Variants in MAP4K2 observed in about 807,000 individuals in gnomAD.
MAP4K2 encodes the protein mitogen-activated protein kinase kinase kinase kinase 2.
MAP4K2 carries 85 observed loss-of-function variants against 125.3 expected under a neutral mutation model. The ratio of observed to expected loss-of-function variants is 0.68; its 90% confidence interval spans 0.57 to 0.81. MAP4K2 has a LOEUF of 0.81. Ranked by LOEUF, MAP4K2 falls within the 40% of genes least tolerant of loss-of-function variation. The pLI, the probability that MAP4K2 is intolerant of heterozygous loss-of-function variation, is 0.00. For missense variants in MAP4K2, 923 were observed against 1,056.4 expected, an observed-to-expected ratio of 0.87 and a Z score of 1.75; for synonymous variants, 479 against 445.1, an observed-to-expected ratio of 1.08 and a Z score of -0.96.
rs1250545169 is a variant in MAP4K2, at chr11:64,786,188, G to A, written c.*3349C>T. 1 of 152,158 alleles carries A rather than the reference G, an allele frequency of 6.6e-6. No individual in the cohort carries two copies. Among genetic ancestry groups the A allele is most frequent in the Admixed American group, 6.5e-5 (1 of 15,270 alleles). The allele number at this position is 152,158 out of a possible 1,614,324, so 9.4% of individuals were successfully genotyped here. On this transcript the variant is annotated 3_prime_UTR_variant, in exon 32 of 32. Coordinates refer to ENST00000294066, the MANE Select transcript of MAP4K2 (RefSeq NM_004579.5). Reference sequence around the variant, plus strand: ...ATTTTGTTTTTGAGCTTTATAATATGCTATCGTACTGTGCATAAAGTGCTG... The same window carrying A: ...ATTTTGTTTTTGAGCTTTATAATATACTATCGTACTGTGCATAAAGTGCTG...
chr11:64,792,307 T>C (rs1306631007), intron 25 of MAP4K2, 32 bp from the exon 26 acceptor site: 1 of 1,591,288 alleles, frequency 6.3e-7, no homozygotes, highest in Admixed American at 1.7e-5. Flanking sequence ...GGCACCGGGC[T>C]GGGCCTGCGC....
chr11:64,789,921 C>T lies in MAP4K2; in HGVS notation c.2287G>A (p.Gly763Arg), dbSNP rs1205077586. The change falls in exon 30 of 32, where the codon GGG becomes AGG. Residue 763 changes from glycine (G) to arginine (R), a missense_variant. By Grantham distance (125) the Gly-to-Arg change is moderately radical. Transcript: ENST00000294066. The part of the protein sequence containing the change: ...QDSVLAFWSH[G>R]MQGRSLDTNE... ...GTATCCAGGCTTCGGCCTTGCATCCCATGGCTCCAGAAGGCCAGCACACTG... is the reference window on the plus strand; with the variant it reads ...GTATCCAGGCTTCGGCCTTGCATCCTATGGCTCCAGAAGGCCAGCACACTG... 3 of 1,613,696 alleles carry T rather than the reference C, an allele frequency of 1.9e-6. No homozygotes were observed. Among genetic ancestry groups the T allele is most frequent in the Non-Finnish European group, 2.5e-6 (3 of 1,179,980 alleles).
chr11:64,802,103 T>A lies in MAP4K2; in HGVS notation c.329A>T (p.Glu110Val), dbSNP rs1941221746. 3 of 1,612,860 alleles carry A rather than the reference T, an allele frequency of 1.9e-6. No individual in the cohort carries two copies. In the East Asian group the frequency reaches 6.7e-5, roughly 36 times the overall value. Residue 110 changes from glutamate (E) to valine (V), a missense_variant, in exon 5 of 32, where the codon GAG becomes GTG. Glu to Val is a moderately radical substitution (Grantham distance 121). Transcript: ENST00000294066. The part of the protein sequence containing the change: ...EIYHATGPLE[E>V]RQIAYVCREA... ...TCGGCAGACGTAGGCAATCTGCCGCTCCTCCAGGGGCCCAGTGGCTGAAAG... is the reference window on the plus strand; with the variant it reads ...TCGGCAGACGTAGGCAATCTGCCGCACCTCCAGGGGCCCAGTGGCTGAAAG...
rs776429181 is a variant in MAP4K2, at chr11:64,800,306, C to T, written c.807+5G>A. On this transcript the variant is annotated splice_donor_5th_base_variant and intron_variant, in intron 11 of 31. Transcript: ENST00000294066. ...GGGCCTCTCTCCCGGCCCCCTGCCT[C>T]CCACCTGCAGGAGCTTCTCTGCTGT... 1.4e-4 allele frequency: 223 copies of T among 1,613,886 alleles called. No homozygotes were observed. The highest frequency in any genetic ancestry group is 1.8e-4 in the Non-Finnish European group (215 of 1,180,016).
intron 15 of MAP4K2, 29 bp downstream of exon 15, chr11:64,798,765 C>A: frequency 6.2e-7 from 1 of 1,612,934 alleles, no homozygotes; most frequent in Non-Finnish European, 8.5e-7. Flanking sequence ...CCCCTGCCAC[C>A]CCCTGCAGCT....
In MAP4K2 at chr11:64,800,239, G is replaced by A. The variant is rs763447533; in HGVS notation, c.808-23C>T. 8 of 1,611,886 alleles carry A rather than the reference G, an allele frequency of 5.0e-6. No individual in the cohort carries two copies. In the South Asian group the frequency reaches 7.7e-5, roughly 15 times the overall value. On this transcript the variant is annotated intron_variant, in intron 11 of 31. Transcript: ENST00000294066. ...GTGCTGGAAAGTGGGGGAGGGGGGT[G>A]ATCAGGTTGGCCCCTGATCCAGGGC... is the stretch of plus-strand genomic sequence containing the variant.
chr11:64,796,985 C>T lies in MAP4K2; in HGVS notation c.1404G>A (p.Val468=), dbSNP rs770433073. The part of the protein sequence containing the change: ...SCHGLPPTPK[V]HMGACFSKVF... ...AGGGCTTGGGGCAAACACTTACATG[C>T]ACCTTGGGAGTTGGGGGGAGCCCGT... Residue 468 remains valine (V), a synonymous_variant, in exon 20 of 32, where the codon GTG becomes GTA. Coordinates refer to ENST00000294066, the MANE Select transcript of MAP4K2 (RefSeq NM_004579.5). The T allele has an allele frequency of 3.7e-6, 6 of 1,613,732 alleles. No homozygotes were observed. Among genetic ancestry groups the T allele is most frequent in the Non-Finnish European group, 5.1e-6 (6 of 1,179,942 alleles).
chr11:64,789,660 C>A (rs11231869), intron 31 of MAP4K2, 36 bp from the exon 32 acceptor site: 8 of 1,612,118 alleles, frequency 5.0e-6, no homozygotes, highest in Middle Eastern at 1.7e-4. Context: ...GGGCGGGAGA[C>A]ACTTGGTACA....
At position 64,792,184 on chromosome 11, in the gene MAP4K2, A is replaced by C; in HGVS notation, c.1902T>G (p.Phe634Leu). 1.9e-6 allele frequency: 3 copies of C among 1,611,212 alleles called. No homozygotes were observed. Among genetic ancestry groups the C allele is most frequent in the Non-Finnish European group, 2.5e-6 (3 of 1,179,136 alleles). ...CACCGCCCCTCACCTTCAGCAGCAG[A>C]AACTTCTGCAGCGGCTCATACCACT... ...LLQWYEPLQK[F>L]LLLKNFSSPL... The change falls in exon 26 of 32, where the codon TTT (phenylalanine) becomes TTG (leucine). Residue 634 changes from phenylalanine to leucine, a missense_variant. Around this residue, in one of 2 missense-constraint regions of MAP4K2, gnomAD observed 833 missense variants for 911.4 expected, o/e 0.91. Coordinates refer to ENST00000294066, the MANE Select transcript of MAP4K2 (RefSeq NM_004579.5).
chr11:64,795,807 A>G (rs963672451), intron 24 of MAP4K2, among the ~76,000 whole-genome samples: 2 of 152,026 alleles, frequency 1.3e-5, no homozygotes, highest in African/African-American at 4.8e-5. Flanking sequence ...TTGGGATTAC[A>G]GGCATGAACC....
At chr11:64,793,353 TG>T (rs1475100315) in intron 24 of MAP4K2, among the ~76,000 whole-genome samples, 1 of 152,142 alleles carries the variant, frequency 6.6e-6, no homozygotes, top group Non-Finnish European at 1.5e-5. Flanking sequence ...CCCGGGGCAG[TG>T]AATGAACTTC....
At chr11:64,795,924 T>G (rs553931726) in intron 24 of MAP4K2, among the ~76,000 whole-genome samples, 2 of 151,954 alleles carry the variant, frequency 1.3e-5, no homozygotes, top group South Asian at 4.1e-4. Context: ...TCTCCCCCAT[T>G]TCTTGAAAGC....
chr11:64,801,092 G>A lies in MAP4K2; in HGVS notation c.530+19C>T, dbSNP rs369213785. Reference sequence around the variant, plus strand: ...CCTGCTCTGTGGCCCCTACCCCTCCGCCCCAGGCGCAGCCTCACCAGTAGG... The same window carrying A: ...CCTGCTCTGTGGCCCCTACCCCTCCACCCCAGGCGCAGCCTCACCAGTAGG... On this transcript the variant is annotated intron_variant, in intron 8 of 31. Coordinates refer to ENST00000294066, the MANE Select transcript of MAP4K2 (RefSeq NM_004579.5). The A allele has an allele frequency of 4.8e-5, 77 of 1,613,534 alleles. No homozygotes were observed. Among genetic ancestry groups the A allele is most frequent in the African/African-American group, 4.7e-4 (35 of 75,036 alleles).
At position 64,802,931 on chromosome 11, in the gene MAP4K2, C is replaced by G. The variant is rs752354420; in HGVS notation, c.108G>C (p.Thr36=). The G allele has an allele frequency of 6.3e-7, 1 of 1,587,344 alleles. No individual in the cohort carries two copies. The highest frequency in any genetic ancestry group is 2.3e-5 in the East Asian group (1 of 43,352). The change falls in exon 2 of 32, where the codon ACG becomes ACC. Residue 36 remains threonine (T), a synonymous_variant. Transcript: ENST00000294066. ...TYGDVYKARD[T]VTSELAAVKI... ...TCACGGCGGCCAGTTCGGACGTGAC[C>G]GTGTCGCGGGCCTGCAGGGGCGGAG...
At chr11:64,794,628 G>A (rs548085070) in intron 24 of MAP4K2, among the ~76,000 whole-genome samples, 5 of 152,200 alleles carry the variant, frequency 3.3e-5, no homozygotes, top group Non-Finnish European at 7.3e-5. Context: ...CAAAGTGCGG[G>A]ATTACAGGCG....
chr11:64,790,002 A>ACCC (rs1940378670), intron 29 of MAP4K2, 43 bp from the exon 30 acceptor site: 4 of 1,605,838 alleles, frequency 2.5e-6, no homozygotes, highest in Non-Finnish European at 3.4e-6. Context: ...CCATCTTGGC[A>ACCC]CCCCCTCAGC....
At chr11:64,794,741 C>G (rs1439239746) in intron 24 of MAP4K2, among the ~76,000 whole-genome samples, 1 of 152,132 alleles carries the variant, frequency 6.6e-6, no homozygotes, top group Non-Finnish European at 1.5e-5. Context: ...CTTCCCCCTG[C>G]CTGGAGTGCC....
chr11:64,789,478 A>G lies in MAP4K2; in HGVS notation c.*59T>C, dbSNP rs1047220684. ...GTCTAGGATGGGCCCCTTTGCCCAAAAGGGCCTGCAGCTAAGGCGTGGGGT... is the reference window on the plus strand; with the variant it reads ...GTCTAGGATGGGCCCCTTTGCCCAAGAGGGCCTGCAGCTAAGGCGTGGGGT... On this transcript the variant is annotated 3_prime_UTR_variant, in exon 32 of 32. Transcript: ENST00000294066. The G allele has an allele frequency of 2.8e-5, 42 of 1,494,458 alleles. No individual in the cohort carries two copies. The highest frequency in any genetic ancestry group is 3.6e-5 in the Non-Finnish European group (40 of 1,096,286). 92.6% of individuals were successfully genotyped at this position (1,494,458 alleles called of 1,614,324 possible). A position where few individuals can be genotyped will look rare whatever the true frequency, so the allele number is the denominator to read the frequency against.
chr11:64,796,917 C>T (rs759402574), intron 20 of MAP4K2, 24 bp from the exon 21 acceptor site: 3 of 1,613,712 alleles, frequency 1.9e-6, no homozygotes, highest in African/African-American at 2.7e-5. Flanking sequence ...AAGAGGCTGG[C>T]GAGGGAGTGC....
Sources: allele counts gnomAD v4.1 joint callset (sites outside exome capture counted in the v4.1 genomes callset), GRCh38; gene constraint gnomAD v4.1.1; regional missense constraint gnomAD v4.1.1; transcripts MANE v1.5; gene names NCBI Gene and HGNC (gene_info 2026-07-23, HGNC 2026-07-21).